SGCZ: variants seen among roughly 807,000 people sequenced by gnomAD.
SGCZ encodes the protein zeta-sarcoglycan.
Under a neutral mutation model 41.3 loss-of-function variants are expected in SGCZ, and 40 were observed. The ratio of observed to expected loss-of-function variants is 0.97; its 90% CI spans 0.75 to 1.26. The LOEUF is 1.26. SGCZ is among the 50% of genes most tolerant of loss of function. SGCZ has a pLI of 0.00. For synonymous variants in SGCZ, 206 were observed against 137.5 expected (o/e 1.50, Z -3.49); for missense variants, 552 against 369.8 (o/e 1.49, Z -4.04).
chr8:15,237,198 G>T (rs903193575), intron 1 of SGCZ, among the ~76,000 whole-genome samples: 9 of 152,174 alleles, frequency 5.9e-5, no homozygotes, highest in African/African-American at 9.7e-5. Context: ...TGGCGGCGCA[G>T]CTCGGACAAC....
chr8:14,267,658 T>A (rs886817700), intron 3 of SGCZ, among the ~76,000 whole-genome samples: 2 of 152,068 alleles, frequency 1.3e-5, no homozygotes, highest in Non-Finnish European at 2.9e-5. Context: ...TTTTGATGAT[T>A]GATGAGCAGC....
intron 1 of SGCZ, among the ~76,000 whole-genome samples, chr8:15,104,583 G>C (rs866530974): frequency 2.0e-5 from 3 of 152,268 alleles, no homozygotes; most frequent in Middle Eastern, 3.4e-3. Context: ...TCCTGTGTGT[G>C]TTCTTCCAAA....
chr8:14,223,973 G>A (rs186092723), intron 4 of SGCZ, among the ~76,000 whole-genome samples: 15 of 152,192 alleles, frequency 9.9e-5, no homozygotes, highest in Non-Finnish European at 1.3e-4. Flanking sequence ...TTATTAAAAT[G>A]TTCATTTTAT....
At chr8:14,948,515 C>T (rs138059977) in intron 1 of SGCZ, among the ~76,000 whole-genome samples, 1,935 of 152,004 alleles carry the variant, frequency 0.013, 21 homozygotes, top group Non-Finnish European at 0.018. Flanking sequence ...TCAAACTATA[C>T]TATTATTACC....
chr8:14,135,408 A>T (rs1210260175), intron 5 of SGCZ, among the ~76,000 whole-genome samples: 2 of 152,196 alleles, frequency 1.3e-5, no homozygotes, highest in Non-Finnish European at 2.9e-5. Context: ...AGGTGGGGGA[A>T]AATACTGGAG....
chr8:14,621,942 CTT>C (rs1296166375), intron 1 of SGCZ, among the ~76,000 whole-genome samples: 2 of 152,024 alleles, frequency 1.3e-5, no homozygotes, highest in Non-Finnish European at 2.9e-5. Context: ...ACCATACAGA[CTT>C]ATGGTTTGGC....
At chr8:14,487,241 G>C (rs935811741) in intron 2 of SGCZ, among the ~76,000 whole-genome samples, 4 of 152,024 alleles carry the variant, frequency 2.6e-5, no homozygotes, top group African/African-American at 9.7e-5. Flanking sequence ...TAATGTAATT[G>C]TAAACGCTTT....
At chr8:14,448,194 A>T (rs1291219276) in intron 2 of SGCZ, among the ~76,000 whole-genome samples, 1 of 152,212 alleles carries the variant, frequency 6.6e-6, no homozygotes, top group Admixed American at 6.5e-5. Flanking sequence ...TAAAAGAGAG[A>T]TTCAAGGTTT....
chr8:14,650,295 C>T (rs1807355593), intron 1 of SGCZ, among the ~76,000 whole-genome samples: 1 of 152,000 alleles, frequency 6.6e-6, no homozygotes, highest in Non-Finnish European at 1.5e-5. Flanking sequence ...GGCTTCTCAT[C>T]CTAAGCTAGG....
chr8:14,430,577 C>T (rs189712427), intron 2 of SGCZ, among the ~76,000 whole-genome samples: 12 of 152,066 alleles, frequency 7.9e-5, no homozygotes, highest in Non-Finnish European at 1.0e-4. Flanking sequence ...AACAAACCCA[C>T]GGCCAACATA....
intron 1 of SGCZ, among the ~76,000 whole-genome samples, chr8:15,199,581 G>A (rs112402189): frequency 6.1e-4 from 93 of 152,158 alleles, no homozygotes; most frequent in African/African-American, 2.1e-3. Context: ...TCCATTTACG[G>A]TTAGAAAGTA....
intron 1 of SGCZ, among the ~76,000 whole-genome samples, chr8:14,582,523 T>C (rs1325027270): frequency 1.3e-5 from 2 of 152,154 alleles, no homozygotes; most frequent in African/African-American, 4.8e-5. Context: ...ATTTTATTAT[T>C]ATCATACTTT....
chr8:14,754,045 T>C (rs1799582344), intron 1 of SGCZ, among the ~76,000 whole-genome samples: 1 of 152,224 alleles, frequency 6.6e-6, no homozygotes, highest in Non-Finnish European at 1.5e-5. Context: ...TGTTGCTTTG[T>C]TTGTTTTTAA....
chr8:14,158,613 T>C (rs1441132550), intron 5 of SGCZ, among the ~76,000 whole-genome samples: 1 of 152,150 alleles, frequency 6.6e-6, no homozygotes, highest in Admixed American at 6.5e-5. Context: ...TGAGAGGAAT[T>C]TGACTTACTG....
At chr8:14,364,730 A>C (rs1803638211) in intron 2 of SGCZ, among the ~76,000 whole-genome samples, 1 of 152,110 alleles carries the variant, frequency 6.6e-6, no homozygotes, top group Non-Finnish European at 1.5e-5. Context: ...ATTGGTTTGC[A>C]TAAGTTCTTG....
intron 1 of SGCZ, among the ~76,000 whole-genome samples, chr8:14,671,371 T>C (rs1808096979): frequency 6.6e-6 from 1 of 152,164 alleles, no homozygotes; most frequent in African/African-American, 2.4e-5. Flanking sequence ...CTTTTATTAA[T>C]AGATGGAATG....
rs564656168 is a variant in SGCZ, at chr8:14,386,919, C to T, written c.235-62715G>A. On this transcript the variant is annotated intron_variant, in intron 2 of 7. Transcript: ENST00000382080. Reference sequence around the variant, plus strand: ...TGAATCTTGTATTTTGAATTAAGTTCATATTGTTTAATAATAGAATAAAAT... The same window carrying T: ...TGAATCTTGTATTTTGAATTAAGTTTATATTGTTTAATAATAGAATAAAAT... Among the ~76,000 whole-genome samples the T allele has an allele frequency of 2.0e-5, 3 of 152,184 alleles. No homozygotes were observed. The South Asian group carries it at 6.2e-4, about 32-fold the overall frequency.
intron 1 of SGCZ, among the ~76,000 whole-genome samples, chr8:14,889,602 A>G (rs577046819): frequency 1.3e-3 from 204 of 152,174 alleles, no homozygotes; most frequent in African/African-American, 4.7e-3. Flanking sequence ...CAATAACACC[A>G]GCCCTGTGTA....
intron 1 of SGCZ, among the ~76,000 whole-genome samples, chr8:14,969,562 C>A (rs796829229): frequency 2.6e-5 from 4 of 152,062 alleles, no homozygotes; most frequent in African/African-American, 9.6e-5. Flanking sequence ...CAACCCTAAT[C>A]TGCTTGATAA....
Sources: allele counts gnomAD v4.1 joint callset (sites outside exome capture counted in the v4.1 genomes callset), GRCh38; gene constraint gnomAD v4.1.1; transcripts MANE v1.5; gene names NCBI Gene and HGNC (gene_info 2026-07-23, HGNC 2026-07-21).